The following EPHX4 variants were observed in gnomAD, a reference collection of about 807,000 sequenced individuals.
EPHX4 encodes abhydrolase domain containing 7.
A neutral mutation model predicts 44.9 loss-of-function variants in EPHX4; 31 were observed. The observed-to-expected ratio is 0.69, with a 90% CI of 0.52 to 0.93. EPHX4 has a LOEUF of 0.93. Ranked by LOEUF, EPHX4 falls within the 40% of genes least tolerant of loss-of-function variation. The pLI is 0.00. For missense variants in EPHX4, 373 were observed against 438.1 expected (o/e 0.85, Z 1.33); for synonymous variants, 151 against 159.7 (o/e 0.95, Z 0.41).
chr1:92,039,518 CAG>C (rs1688481805), intron 2 of EPHX4, among the ~76,000 whole-genome samples: 1 of 152,020 alleles, frequency 6.6e-6, no homozygotes, highest in African/African-American at 2.4e-5. Context: ...TAAGGCAAAT[CAG>C]AAAAAATACA....
rs1208091961 is a variant in EPHX4 at position 92,060,179 on chromosome 1, T to C, written c.858-2876T>C. The stretch of plus-strand genomic sequence containing the variant: ...ATCCTAGCACTTTGGGAGGCTGAGG[T>C]GGGAGGATTGCTTGAAGCCAGGGGT... On this transcript the variant is annotated intron_variant, in intron 6 of 6. Transcript: ENST00000370383. 4.2e-4 allele frequency among the ~76,000 whole-genome samples: 63 copies of C among 151,632 alleles called. 1 individual carries two copies. The highest frequency in any genetic ancestry group is 4.1e-3 in the Admixed American group (62 of 15,212).
chr1:92,051,925 A>G (rs1187987155), intron 5 of EPHX4, among the ~76,000 whole-genome samples: 3 of 152,190 alleles, frequency 2.0e-5, no homozygotes, highest in African/African-American at 7.2e-5. Flanking sequence ...TCTACTATTT[A>G]TTCTGAAATA....
In EPHX4 at chr1:92,042,978, T is replaced by C. The variant is rs764318182; in HGVS notation, c.473T>C (p.Leu158Ser). Residue 158 changes from leucine (L) to serine (S), a missense_variant and splice_region_variant, in exon 3 of 7, where the codon TTA becomes TCA. Coordinates refer to ENST00000370383, the MANE Select transcript of EPHX4 (RefSeq NM_173567.5). Reference sequence around the variant, plus strand: ...GATATAAAGGATATTTTAGATTCTTTAGGTAGGTTAGTTTGAAACAAAACA... The same window carrying C: ...GATATAAAGGATATTTTAGATTCTTCAGGTAGGTTAGTTTGAAACAAAACA... ...ITDIKDILDSLGYSKCVLIGH... is the reference protein window; with the variant it reads ...ITDIKDILDSSGYSKCVLIGH... 1.3e-6 allele frequency: 2 copies of C among 1,594,480 alleles called. No individual in the cohort carries two copies. The highest frequency in any genetic ancestry group is 2.7e-5 in the African/African-American group (2 of 74,204).
intron 6 of EPHX4, among the ~76,000 whole-genome samples, chr1:92,057,605 G>GTT (rs558423394): frequency 7.6e-5 from 11 of 144,202 alleles, no homozygotes; most frequent in African/African-American, 1.8e-4. Context: ...AGGTAAGTTT[G>GTT]TTTTTTTTTT....
chr1:92,043,018 A>G, intron 3 of EPHX4, 38 bp downstream of exon 3: 2 of 1,481,450 alleles, frequency 1.4e-6, no homozygotes, highest in Non-Finnish European at 1.8e-6. Context: ...TTTTTAAGGG[A>G]CAAACATTCA....
intron 6 of EPHX4, among the ~76,000 whole-genome samples, chr1:92,061,626 A>T (rs1647500719): frequency 6.6e-6 from 1 of 152,228 alleles, no homozygotes; most frequent in Non-Finnish European, 1.5e-5. Flanking sequence ...ACAAGGAGAA[A>T]TACCACAAAA....
At chr1:92,040,176 A>AT (rs10646888) in intron 2 of EPHX4, among the ~76,000 whole-genome samples, 50,598 of 111,482 alleles carry the variant, frequency 0.45, 13,594 homozygotes, top group South Asian at 0.58. Context: ...TGTTACAATG[A>AT]TTTTTTTTTT....
chr1:92,057,572 C>T (rs1647396913), intron 6 of EPHX4, among the ~76,000 whole-genome samples: 1 of 151,442 alleles, frequency 6.6e-6, no homozygotes, highest in African/African-American at 2.4e-5. Context: ...CACACCCATA[C>T]ATAGAAGCCT....
intron 6 of EPHX4, among the ~76,000 whole-genome samples, chr1:92,061,931 T>C (rs1457471265): frequency 2.6e-5 from 4 of 152,278 alleles, no homozygotes; most frequent in African/African-American, 9.6e-5. Context: ...GTATAGGCCA[T>C]GTGTGCTGGC....
chr1:92,056,845 C>T (rs1245309952), intron 6 of EPHX4, among the ~76,000 whole-genome samples: 1 of 151,742 alleles, frequency 6.6e-6, no homozygotes, highest in Non-Finnish European at 1.5e-5. Context: ...CAAATCTTAA[C>T]CAATACCAAA....
At chr1:92,037,229 A>G (rs1002738588) in intron 2 of EPHX4, among the ~76,000 whole-genome samples, 1 of 152,208 alleles carries the variant, frequency 6.6e-6, no homozygotes, top group African/African-American at 2.4e-5. Context: ...ATGAATTGAT[A>G]ATGTGTGTGA....
intron 2 of EPHX4, among the ~76,000 whole-genome samples, chr1:92,038,994 T>C (rs1322846188): frequency 6.6e-6 from 1 of 152,182 alleles, no homozygotes; most frequent in Non-Finnish European, 1.5e-5. Context: ...TAATATCTAC[T>C]TCATAGTACT....
Position 92,045,622 on chromosome 1 carries a change from T to G in EPHX4, c.566T>G (p.Leu189Arg). The G allele has an allele frequency of 6.2e-7, 1 of 1,614,124 alleles. No homozygotes were observed. The highest frequency in any genetic ancestry group is 8.5e-7 in the Non-Finnish European group (1 of 1,179,988). ...AICYPEMVMK[L>R]IVINFPHPNV... is the part of the protein sequence containing the mutation. The stretch of plus-strand genomic sequence containing the variant: ...TGTTATCCTGAAATGGTGATGAAGC[T>G]TATTGTTATTAACTTCCCTCATCCA... The change falls in exon 4 of 7, where the codon CTT becomes CGT. Residue 189 changes from leucine (L) to arginine (R), a missense_variant. Physicochemically the swap from Leu to Arg is moderately radical, Grantham distance 102 (BLOSUM62 -2). Transcript: ENST00000370383.
intron 6 of EPHX4, among the ~76,000 whole-genome samples, chr1:92,061,034 T>A (rs925449533): frequency 1.3e-5 from 2 of 151,904 alleles, no homozygotes; most frequent in African/African-American, 4.8e-5. Flanking sequence ...GCGTAAGCCA[T>A]CACACCCGGC....
intron 2 of EPHX4, among the ~76,000 whole-genome samples, chr1:92,035,347 G>A (rs1688423033): frequency 6.6e-6 from 1 of 152,152 alleles, no homozygotes. Context: ...CATAGCATGG[G>A]CAGTACATTC....
At chr1:92,052,746 CT>C in intron 6 of EPHX4, 88 bp downstream of exon 6, 1 of 1,196,948 alleles carries the variant, frequency 8.4e-7, no homozygotes, top group East Asian at 2.8e-5. Flanking sequence ...AAGTTCACCA[CT>C]TATCCAAAGA....
At chr1:92,049,289 T>G (rs2101872365) in intron 4 of EPHX4, among the ~76,000 whole-genome samples, 1 of 152,296 alleles carries the variant, frequency 6.6e-6, no homozygotes, top group African/African-American at 2.4e-5. Flanking sequence ...TGACTCCCTG[T>G]AACCATTCAG....
At chr1:92,051,652 G>A in intron 5 of EPHX4, among the ~76,000 whole-genome samples, 1 of 152,100 alleles carries the variant, frequency 6.6e-6, no homozygotes, top group East Asian at 1.9e-4. Flanking sequence ...AGGTGGTGCT[G>A]TGTATTTCCT....
chr1:92,057,876 C>G, intron 6 of EPHX4, among the ~76,000 whole-genome samples: 1 of 152,092 alleles, frequency 6.6e-6, no homozygotes, highest in African/African-American at 2.4e-5. Context: ...GCTGGGATTA[C>G]AGGTGTGAAC....
Sources: gnomAD v4.1 joint callset for allele counts (sites outside exome capture counted in the v4.1 genomes callset) on GRCh38, gnomAD v4.1.1 for gene constraint, MANE v1.5 for transcripts, NCBI Gene and HGNC (gene_info 2026-07-23, HGNC 2026-07-21) for gene names.